Variants in ERBB4 observed in about 807,000 individuals in gnomAD.
ERBB4 encodes the protein erb-b2 receptor tyrosine kinase 4, also known as receptor tyrosine-protein kinase erbB-4.
A neutral mutation model predicts 158.0 loss-of-function variants in ERBB4; 42 were observed. That is an observed-to-expected ratio of 0.27 (90% CI 0.21 to 0.34). The LOEUF is 0.34. Among genes scored for constraint, ERBB4 ranks in the 10% least tolerant of loss-of-function variants. ERBB4 has a pLI of 1.00. For synonymous variants in ERBB4, 583 were observed against 558.7 expected (o/e 1.04, Z -0.61); for missense variants, 1,333 against 1,624.1 (o/e 0.82, Z 3.08).
intron 1 of ERBB4, among the ~76,000 whole-genome samples, chr2:212,450,576 T>C (rs1431802664): frequency 6.6e-6 from 1 of 152,094 alleles, no homozygotes; most frequent in Non-Finnish European, 1.5e-5. Flanking sequence ...TTCTGCTGAC[T>C]CCTTGATTTT....
intron 25 of ERBB4, among the ~76,000 whole-genome samples, chr2:211,388,977 G>A (rs185543972): frequency 6.6e-6 from 1 of 152,274 alleles, no homozygotes; most frequent in East Asian, 1.9e-4. Flanking sequence ...CTGCGATCCA[G>A]CTTTAAGTAA....
chr2:211,641,318 C>T (rs2070577766), intron 16 of ERBB4, among the ~76,000 whole-genome samples: 1 of 152,096 alleles, frequency 6.6e-6, no homozygotes, highest in African/African-American at 2.4e-5. Flanking sequence ...TATGCGGTTT[C>T]ACTTATCTCA....
chr2:212,249,161 G>T (rs1188461744), intron 1 of ERBB4, among the ~76,000 whole-genome samples: 1 of 152,014 alleles, frequency 6.6e-6, no homozygotes, highest in Non-Finnish European at 1.5e-5. Flanking sequence ...TAGTAATTAG[G>T]TAAATTCACT....
At chr2:212,148,931 C>A (rs533684731) in intron 1 of ERBB4, among the ~76,000 whole-genome samples, 2 of 117,922 alleles carry the variant, frequency 1.7e-5, no homozygotes, top group African/African-American at 3.2e-5. Flanking sequence ...AACCAAACAC[C>A]GCATATTCTC....
At chr2:211,589,213 G>T (rs1183970542) in intron 19 of ERBB4, among the ~76,000 whole-genome samples, 1 of 152,050 alleles carries the variant, frequency 6.6e-6, no homozygotes, top group Non-Finnish European at 1.5e-5. Flanking sequence ...CATTTTTTTA[G>T]ATTGTAAAAT....
At chr2:212,396,621 T>A (rs2091033071) in intron 1 of ERBB4, among the ~76,000 whole-genome samples, 1 of 151,944 alleles carries the variant, frequency 6.6e-6, no homozygotes, top group Non-Finnish European at 1.5e-5. Context: ...CCTACAGAGA[T>A]CTCCAAAAAA....
chr2:211,781,615 A>G (rs1432181408), intron 4 of ERBB4, among the ~76,000 whole-genome samples: 1 of 152,206 alleles, frequency 6.6e-6, no homozygotes, highest in African/African-American at 2.4e-5. Flanking sequence ...TATATAATGA[A>G]AATGTAACTG....
At chr2:212,212,553 A>T (rs1157682364) in intron 1 of ERBB4, among the ~76,000 whole-genome samples, 15 of 28,648 alleles carry the variant, frequency 5.2e-4, no homozygotes, top group Admixed American at 2.4e-3. Context: ...CACAGAATTA[A>T]AAAAAAAAAA....
intron 19 of ERBB4, among the ~76,000 whole-genome samples, chr2:211,605,957 TCTC>T (rs2068964506): frequency 6.6e-6 from 1 of 151,940 alleles, no homozygotes; most frequent in Non-Finnish European, 1.5e-5. Context: ...ACCTAAGAGG[TCTC>T]CTAATTAGTA....
At chr2:212,000,737 A>G (rs2076083989) in intron 2 of ERBB4, among the ~76,000 whole-genome samples, 2 of 151,862 alleles carry the variant, frequency 1.3e-5, no homozygotes, top group African/African-American at 2.4e-5. Flanking sequence ...AAAAATGTCT[A>G]CCAAAATCTA....
At chr2:211,630,673 C>A (rs1003591330) in intron 16 of ERBB4, 79 bp from the exon 17 acceptor site, 1 of 1,248,420 alleles carries the variant, frequency 8.0e-7, no homozygotes. Context: ...AGCAGTTGTA[C>A]AAGACATTAT....
intron 2 of ERBB4, among the ~76,000 whole-genome samples, chr2:211,997,097 G>A (rs2082217418): frequency 6.6e-6 from 1 of 151,812 alleles, no homozygotes; most frequent in African/African-American, 2.4e-5. Flanking sequence ...ACAAGATGAA[G>A]AGAGCATTGG....
chr2:211,904,390 C>T (rs571385830), intron 3 of ERBB4, among the ~76,000 whole-genome samples: 1 of 152,164 alleles, frequency 6.6e-6, no homozygotes, highest in South Asian at 2.1e-4. Flanking sequence ...CATAAATGGA[C>T]CCATATTCAG....
At chr2:211,505,529 G>A (rs76429917) in intron 20 of ERBB4, among the ~76,000 whole-genome samples, 7,386 of 150,352 alleles carry the variant, frequency 0.049, 271 homozygotes, top group Non-Finnish European at 0.071. Flanking sequence ...AAATCTCAGA[G>A]CCTATAAAGT....
At chr2:211,937,003 T>C (rs962806691) in intron 3 of ERBB4, among the ~76,000 whole-genome samples, 2 of 152,194 alleles carry the variant, frequency 1.3e-5, no homozygotes, top group African/African-American at 4.8e-5. Context: ...ATAGCTATGT[T>C]ATAATTCTAG....
At chr2:211,748,242 A>G (rs1039269268) in intron 5 of ERBB4, among the ~76,000 whole-genome samples, 1 of 151,986 alleles carries the variant, frequency 6.6e-6, no homozygotes, top group Non-Finnish European at 1.5e-5. Flanking sequence ...ACAGATGAAA[A>G]TAATAATTAA....
chr2:211,953,508 C>T (rs1315054448), intron 2 of ERBB4, among the ~76,000 whole-genome samples: 1 of 139,708 alleles, frequency 7.2e-6, no homozygotes, highest in African/African-American at 2.7e-5. Context: ...AATGCCCTAG[C>T]AAAGACAAAA....
chr2:212,274,311 T>G (rs534531744), intron 1 of ERBB4, among the ~76,000 whole-genome samples: 2 of 151,918 alleles, frequency 1.3e-5, no homozygotes, highest in South Asian at 4.1e-4. Flanking sequence ...TAGTGACACT[T>G]CATATGGGTC....
At chr2:212,115,062 T>G (rs1035601003) in intron 2 of ERBB4, among the ~76,000 whole-genome samples, 1 of 152,182 alleles carries the variant, frequency 6.6e-6, no homozygotes. Flanking sequence ...TATTTTCAGG[T>G]AGAAATTTAA....
Sources: allele counts gnomAD v4.1 joint callset (sites outside exome capture counted in the v4.1 genomes callset), GRCh38; gene constraint gnomAD v4.1.1; transcripts MANE v1.5; gene names NCBI Gene and HGNC (gene_info 2026-07-23, HGNC 2026-07-21).